TDRD9: variants seen among roughly 807,000 people sequenced by gnomAD.
TDRD9 encodes ATP-dependent RNA helicase TDRD9.
TDRD9 carries 124 observed loss-of-function variants against 172.6 expected under a neutral mutation model. The observed-to-expected ratio is 0.72, with a 90% confidence interval of 0.62 to 0.83. The LOEUF is 0.83. Among genes scored for constraint, TDRD9 ranks in the 40% least tolerant of loss-of-function variants. The probability of loss-of-function intolerance (pLI) is 0.00; values close to 1 mark genes in which losing one functional copy is unlikely to be tolerated. For missense variants in TDRD9, 1,479 were observed against 1,714.1 expected, an observed-to-expected ratio of 0.86 and a Z score of 2.42; for synonymous variants, 619 against 617.1, an observed-to-expected ratio of 1.00 and a Z score of -0.05.
At chr14:104,020,672 C>T (rs1566788010) in intron 23 of TDRD9, among the ~76,000 whole-genome samples, 1 of 152,138 alleles carries the variant, frequency 6.6e-6, no homozygotes, top group Non-Finnish European at 1.5e-5. Flanking sequence ...ACCTGCTCCA[C>T]ACACCTCCCC....
intron 1 of TDRD9, among the ~76,000 whole-genome samples, chr14:103,948,455 A>T (rs534943889): frequency 6.6e-6 from 1 of 152,300 alleles, no homozygotes; most frequent in South Asian, 2.1e-4. Context: ...AAAATTAAAA[A>T]TAGAATTACT....
intron 23 of TDRD9, among the ~76,000 whole-genome samples, chr14:104,019,021 TC>T (rs1421770477): frequency 1.3e-5 from 2 of 152,216 alleles, no homozygotes; most frequent in Non-Finnish European, 2.9e-5. Flanking sequence ...AGCAAAACCT[TC>T]CTAAGTGCTT....
chr14:104,050,274 C>G (rs748108335), intron 35 of TDRD9, among the ~76,000 whole-genome samples: 1 of 152,102 alleles, frequency 6.6e-6, no homozygotes, highest in African/African-American at 2.4e-5. Context: ...TCCTTGGGGT[C>G]CCACCCTTGT....
chr14:104,008,518 T>C, intron 20 of TDRD9, 52 bp downstream of exon 20: 1 of 1,167,212 alleles, frequency 8.6e-7, no homozygotes, highest in Non-Finnish European at 1.3e-6. Flanking sequence ...ACTTATGAAA[T>C]ATTTATTAAA....
At position 104,026,591 on chromosome 14, in the gene TDRD9, A is replaced by G. The variant is rs971227805; in HGVS notation, c.3022-88A>G. 4 of 1,446,020 alleles carry G rather than the reference A, an allele frequency of 2.8e-6. No individual in the cohort carries two copies. The African/African-American group carries it at 4.2e-5, about 15-fold the overall frequency. The allele number at this position is 1,446,020 out of a possible 1,614,324, so 89.6% of individuals were successfully genotyped here. ...TTTATGAGAATATTATTGAAGGTAC[A>G]TGAACAAGGTCTGTTTTCAGTGGTA... On this transcript the variant is annotated intron_variant, in intron 27 of 35. Transcript: ENST00000409874.
At position 104,006,795 on chromosome 14, in the gene TDRD9, T is replaced by G. The variant is rs1180330773; in HGVS notation, c.1957T>G (p.Phe653Val). Residue 653 changes from phenylalanine to valine, a missense_variant, in exon 18 of 36, where the codon TTC becomes GTC. This residue lies in a region of TDRD9 where 1,413 missense variants were observed against 1,649.1 expected (regional missense o/e 0.86). Transcript: ENST00000409874. ...ATCTGTTTATAGGAACAAAGTGAAT[T>G]TCTCTGGCAGTAGCAAGAGTGACTG... The part of the protein sequence containing the change: ...HLDGYRNKVN[F>V]SGSSKSDCIA... 1 of 1,613,616 alleles carries G rather than the reference T, an allele frequency of 6.2e-7. No homozygotes were observed. The highest frequency in any genetic ancestry group is 2.2e-5 in the East Asian group (1 of 44,882).
chr14:103,937,074 C>T (rs2030816803), intron 1 of TDRD9, among the ~76,000 whole-genome samples: 1 of 152,192 alleles, frequency 6.6e-6, no homozygotes, highest in Non-Finnish European at 1.5e-5. Flanking sequence ...GGCAACAGAG[C>T]AAGAGCCTGT....
At chr14:103,947,855 AGAAG>A (rs1484788872) in intron 1 of TDRD9, among the ~76,000 whole-genome samples, 1 of 152,122 alleles carries the variant, frequency 6.6e-6, no homozygotes, top group Non-Finnish European at 1.5e-5. Flanking sequence ...AGGCAACAAA[AGAAG>A]AAAGACAAAT....
At position 104,008,414 on chromosome 14, in the gene TDRD9, A is replaced by G. The variant is rs2034512478; in HGVS notation, c.2054A>G (p.Asp685Gly). The G allele has an allele frequency of 6.6e-7, 1 of 1,514,012 alleles. No individual in the cohort carries two copies. Among genetic ancestry groups the G allele is most frequent in the Non-Finnish European group, 9.2e-7 (1 of 1,090,974 alleles). The allele number at this position is 1,514,012 out of a possible 1,614,324, so 93.8% of individuals were successfully genotyped here. The change falls in exon 20 of 36, where the codon GAT becomes GGT. Residue 685 changes from aspartate (D) to glycine (G), a missense_variant and splice_region_variant. By Grantham distance (94) the Asp-to-Gly change is moderately conservative. Transcript: ENST00000409874. ...TATTCTGCTTTTATATATTTAAAGG[A>G]TGAACTTAATTGGGGACGGTTAAAT... ...RQTGELRYPK[D>G]ELNWGRLNYI...
chr14:104,045,634 T>G (rs900641054), intron 34 of TDRD9, among the ~76,000 whole-genome samples: 2 of 152,238 alleles, frequency 1.3e-5, no homozygotes, highest in African/African-American at 4.8e-5. Context: ...GTGATATGTT[T>G]GAAACCTAAT....
chr14:104,047,026 A>G (rs1353309960), intron 34 of TDRD9, among the ~76,000 whole-genome samples: 3 of 152,308 alleles, frequency 2.0e-5, no homozygotes, highest in East Asian at 3.9e-4. Context: ...GTCAGTTTGT[A>G]TAAAAATCCT....
chr14:104,051,440 C>T (rs1450977273), intron 35 of TDRD9, among the ~76,000 whole-genome samples: 1 of 152,140 alleles, frequency 6.6e-6, no homozygotes, highest in Non-Finnish European at 1.5e-5. Flanking sequence ...TTTGGTAGAA[C>T]AATTTGTTTT....
At chr14:103,992,728 C>G (rs2033912572) in intron 9 of TDRD9, among the ~76,000 whole-genome samples, 1 of 151,942 alleles carries the variant, frequency 6.6e-6, no homozygotes, top group Non-Finnish European at 1.5e-5. Context: ...TCGAGACCAT[C>G]CTGGCTAACA....
chr14:103,952,218 ATAT>A (rs2031951266), intron 1 of TDRD9, among the ~76,000 whole-genome samples: 5 of 44,094 alleles, frequency 1.1e-4, no homozygotes, highest in Non-Finnish European at 1.9e-4. Flanking sequence ...ATATATATAT[ATAT>A]TTTTTTTTTT....
At chr14:104,037,334 T>A (rs539350747) in intron 32 of TDRD9, among the ~76,000 whole-genome samples, 1 of 152,294 alleles carries the variant, frequency 6.6e-6, no homozygotes, top group South Asian at 2.1e-4. Flanking sequence ...CGCACCCGCA[T>A]GGGACTCGTC....
At chr14:103,984,893 A>G (rs1025325757) in intron 7 of TDRD9, among the ~76,000 whole-genome samples, 18 of 152,224 alleles carry the variant, frequency 1.2e-4, no homozygotes, top group Non-Finnish European at 2.4e-4. Flanking sequence ...TCCCAAGACC[A>G]TGGGAACCCA....
chr14:103,935,965 C>CAAT (rs910064582), intron 1 of TDRD9, among the ~76,000 whole-genome samples: 1 of 151,798 alleles, frequency 6.6e-6, no homozygotes, highest in African/African-American at 2.4e-5. Context: ...TAGGAGGTCA[C>CAAT]AATAATAATA....
chr14:103,970,957 A>G (rs2032994835), intron 6 of TDRD9, among the ~76,000 whole-genome samples: 1 of 152,108 alleles, frequency 6.6e-6, no homozygotes, highest in African/African-American at 2.4e-5. Flanking sequence ...TGAATCTGCA[A>G]ATGCAGAATC....
intron 1 of TDRD9, among the ~76,000 whole-genome samples, chr14:103,952,399 C>A (rs1167550181): frequency 6.7e-6 from 1 of 148,940 alleles, no homozygotes. Context: ...CCGCCACCAC[C>A]CCTGGCTAAT....
Sources: gnomAD v4.1 joint callset for allele counts (sites outside exome capture counted in the v4.1 genomes callset) on GRCh38, gnomAD v4.1.1 for gene constraint, gnomAD v4.1.1 regional missense constraint, MANE v1.5 for transcripts, NCBI Gene and HGNC (gene_info 2026-07-23, HGNC 2026-07-21) for gene names.